SCAF11: variants seen among roughly 807,000 people sequenced by gnomAD.
SCAF11 encodes the protein protein SCAF11.
A neutral mutation model predicts 140.5 loss-of-function variants in SCAF11; 47 were observed. The observed-to-expected ratio is 0.33, with a 90% confidence interval of 0.26 to 0.43. The LOEUF (loss-of-function observed/expected upper bound fraction) is 0.43, where lower values mean the gene tolerates loss of function less well. Among genes scored for constraint, SCAF11 ranks in the 20% least tolerant of loss-of-function variants. The pLI, the probability that SCAF11 is intolerant of heterozygous loss-of-function variation, is 1.00. For missense variants in SCAF11, 1,645 were observed against 1,705.1 expected (o/e 0.96, Z 0.62); for synonymous variants, 557 against 579.4 (o/e 0.96, Z 0.55).
At chr12:45,976,691 C>T (rs1946243765) in intron 1 of SCAF11, among the ~76,000 whole-genome samples, 2 of 151,948 alleles carry the variant, frequency 1.3e-5, no homozygotes, top group South Asian at 4.1e-4. Flanking sequence ...CCAAACATAT[C>T]CATATTTAAA....
rs773776931 is a variant in SCAF11 at position 45,926,572 on chromosome 12, T to A, written c.3129A>T (p.Lys1043Asn). 1 of 1,613,316 alleles carries A rather than the reference T, an allele frequency of 6.2e-7. No homozygotes were observed. The highest frequency in any genetic ancestry group is 1.1e-5 in the South Asian group (1 of 90,826). ...DPRTRNPEKLKESHWEENRNE... is the reference protein window; with the variant it reads ...DPRTRNPEKLNESHWEENRNE... ...TTCTATTTTCTTCCCAATGAGACTC[T>A]TTCAACTTTTCTGGATTTCTGGTTC... Residue 1043 changes from lysine (K) to asparagine (N), a missense_variant, in exon 11 of 15, where the codon AAA (lysine) becomes AAT (asparagine). Lys to Asn is a moderately conservative substitution (Grantham distance 94, BLOSUM62 0). Transcript: ENST00000369367.
At chr12:45,974,628 GTC>G in intron 1 of SCAF11, 1 of 185,024 alleles carries the variant, frequency 5.4e-6, no homozygotes, top group Non-Finnish European at 1.2e-5. Flanking sequence ...CAGCAATTCA[GTC>G]ATGTCTTCAG....
Position 45,934,216 on chromosome 12 carries a change from T to G in SCAF11, c.592A>C (p.Ser198Arg). ...NFFSNMFSSVSHSGESSFTYR... is the reference protein window; with the variant it reads ...NFFSNMFSSVRHSGESSFTYR... Reference sequence around the variant, plus strand: ...GTAAAGGAAGATTCTCCAGAGTGGCTAACAGAAGAAAACATATTGGAGAAA... The same window carrying G: ...GTAAAGGAAGATTCTCCAGAGTGGCGAACAGAAGAAAACATATTGGAGAAA... The change falls in exon 8 of 15, where the codon AGC (serine) becomes CGC (arginine). Residue 198 changes from serine (S) to arginine (R), a missense_variant. Around this residue, in one of 2 missense-constraint regions of SCAF11, gnomAD observed 1,582 missense variants for 1,609.2 expected, o/e 0.98. Transcript: ENST00000369367. The G allele has an allele frequency of 6.2e-7, 1 of 1,610,134 alleles. No homozygotes were observed. The highest frequency in any genetic ancestry group is 1.1e-5 in the South Asian group (1 of 90,612).
chr12:45,962,341 T>G (rs953220861), intron 2 of SCAF11, among the ~76,000 whole-genome samples: 4 of 152,192 alleles, frequency 2.6e-5, no homozygotes, highest in Non-Finnish European at 2.9e-5. Flanking sequence ...CATTCACATG[T>G]TTTCAACTTT....
rs182632418 is a variant in SCAF11, at chr12:45,966,719, T to C, written c.-21-2531A>G. The stretch of plus-strand genomic sequence containing the variant: ...TAGCCAATATGAAAGTCCTAAGGCA[T>C]GTCTGGTATGTTCAAGGAACAACAA... On this transcript the variant is annotated intron_variant, in intron 1 of 14. Transcript: ENST00000369367. Among the ~76,000 whole-genome samples the C allele has an allele frequency of 3.5e-3, 527 of 152,262 alleles. 3 individuals carry two copies. The highest frequency in any genetic ancestry group is 3.8e-3 in the Non-Finnish European group (258 of 68,026).
chr12:45,985,979 C>A (rs1224397859), intron 1 of SCAF11, among the ~76,000 whole-genome samples: 1 of 152,126 alleles, frequency 6.6e-6, no homozygotes, highest in Non-Finnish European at 1.5e-5. Flanking sequence ...TTCTGTAACA[C>A]CCCACTCACC....
In SCAF11 at chr12:45,945,239, A is replaced by G. The variant is rs754333857; in HGVS notation, c.463+10T>C. On this transcript the variant is annotated intron_variant, in intron 6 of 14. Transcript: ENST00000369367. ...AAAAAGGTAGAATCCACAAGCAAAA[A>G]GTAACTTACTATGTATCCACTTCAA... 1.4e-5 allele frequency: 21 copies of G among 1,527,552 alleles called. No individual in the cohort carries two copies. The highest frequency in any genetic ancestry group is 2.4e-5 in the South Asian group (2 of 83,490). The allele number at this position is 1,527,552 out of a possible 1,614,324, so 94.6% of individuals were successfully genotyped here. A position where few individuals can be genotyped will look rare whatever the true frequency, so the allele number is the denominator to read the frequency against.
intron 1 of SCAF11, among the ~76,000 whole-genome samples, chr12:45,982,995 G>A (rs894206403): frequency 6.6e-6 from 1 of 152,194 alleles, no homozygotes; most frequent in African/African-American, 2.4e-5. Flanking sequence ...TAGGCAAAGA[G>A]TTTCTAAGAC....
In SCAF11 at chr12:45,920,885, C is replaced by A. The variant is rs1201174232; in HGVS notation, c.*1163G>T. 2 of 152,224 alleles carry A rather than the reference C, an allele frequency of 1.3e-5. No homozygotes were observed. Among genetic ancestry groups the A allele is most frequent in the Non-Finnish European group, 2.9e-5 (2 of 68,042 alleles). 9.4% of individuals were successfully genotyped at this position (152,224 alleles called of 1,614,324 possible). A position where few individuals can be genotyped will look rare whatever the true frequency, so the allele number is the denominator to read the frequency against. ...AGCCCCAAGGAAGGGAGGATAACAG[C>A]CTAACAGCAATTCTCGAATTGGCAC... is the stretch of plus-strand genomic sequence containing the variant. On this transcript the variant is annotated 3_prime_UTR_variant, in exon 15 of 15. Transcript: ENST00000369367.
chr12:45,961,646 A>T (rs191705722), intron 3 of SCAF11, 54 bp downstream of exon 3: 15 of 1,409,208 alleles, frequency 1.1e-5, no homozygotes, highest in Non-Finnish European at 1.5e-5. Context: ...TCAACTCTTT[A>T]GGTGAAATGA....
rs562019714 is a variant in SCAF11 at position 45,957,519 on chromosome 12, G to C, written c.219+4181C>G. On this transcript the variant is annotated intron_variant, in intron 3 of 14. Transcript: ENST00000369367. ...ATAAGACACTTCATTTCTAGTTTAG[G>C]AGAGAAACCATGCCTTTGCCAACTG... is the stretch of plus-strand genomic sequence containing the variant. Among the ~76,000 whole-genome samples, 13 of 152,184 alleles carry C rather than the reference G, an allele frequency of 8.5e-5. No individual in the cohort carries two copies. In the South Asian group the frequency reaches 2.7e-3, roughly 32 times the overall value.
In SCAF11 at chr12:45,926,695, GTCA is replaced by G. The variant is rs777738847; in HGVS notation, c.3003_3005del (p.Asp1002del). On this transcript the variant is annotated inframe_deletion, in exon 11 of 15. Transcript: ENST00000369367. ...TTGGATCATCAGCATCTAGATGGATGTCATTTTTTTCTTTTCTTGTATTTTCAT... is the reference window on the plus strand; with the variant it reads ...TTGGATCATCAGCATCTAGATGGATGTTTTTTTCTTTTCTTGTATTTTCAT... 1.2e-6 allele frequency: 2 copies of G among 1,613,326 alleles called. No individual in the cohort carries two copies. Among genetic ancestry groups the G allele is most frequent in the South Asian group, 2.2e-5 (2 of 90,988 alleles).
chr12:45,990,844 T>G (rs750570809), upstream of SCAF11, among the ~76,000 whole-genome samples: 1 of 152,222 alleles, frequency 6.6e-6, no homozygotes, highest in African/African-American at 2.4e-5. Flanking sequence ...GAAGGGCAGC[T>G]GCGCTGGAGG....
At chr12:45,930,848 T>G (rs1945025839) in intron 10 of SCAF11, 1 of 152,206 alleles carries the variant, frequency 6.6e-6, no homozygotes, top group African/African-American at 2.4e-5. Flanking sequence ...TCTTAATTTT[T>G]TTCACTATTT....
intron 6 of SCAF11, among the ~76,000 whole-genome samples, chr12:45,941,025 T>C (rs566872849): frequency 6.6e-6 from 1 of 152,136 alleles, no homozygotes; most frequent in African/African-American, 2.4e-5. Flanking sequence ...ATCTTATTTC[T>C]GATCATCATT....
chr12:45,987,626 T>C (rs1946488064), intron 1 of SCAF11, among the ~76,000 whole-genome samples: 1 of 152,182 alleles, frequency 6.6e-6, no homozygotes, highest in Non-Finnish European at 1.5e-5. Flanking sequence ...ACACAGTAGT[T>C]AGAGAAGACC....
intron 13 of SCAF11, 52 bp from the exon 14 acceptor site, chr12:45,922,634 CA>C: frequency 6.6e-7 from 1 of 1,512,914 alleles, no homozygotes. Flanking sequence ...ACTGCTCTCA[CA>C]AAATCCCAAA....
intron 1 of SCAF11, among the ~76,000 whole-genome samples, chr12:45,983,115 C>G (rs369231473): frequency 3.9e-5 from 6 of 152,230 alleles, no homozygotes; most frequent in African/African-American, 1.2e-4. Flanking sequence ...TTAGGACTTA[C>G]GTTGTGTTTC....
chr12:45,967,510 A>G (rs1945979646), intron 1 of SCAF11, among the ~76,000 whole-genome samples: 1 of 152,102 alleles, frequency 6.6e-6, no homozygotes. Flanking sequence ...TGGGTGTGGT[A>G]GCAGGCACCT....
Sources: gnomAD v4.1 joint callset for allele counts (sites outside exome capture counted in the v4.1 genomes callset) on GRCh38, gnomAD v4.1.1 for gene constraint, gnomAD v4.1.1 regional missense constraint, MANE v1.5 for transcripts, NCBI Gene and HGNC (gene_info 2026-07-23, HGNC 2026-07-21) for gene names.